Variants in CACNA2D3 observed in about 807,000 individuals in gnomAD.
CACNA2D3 encodes the protein voltage-dependent calcium channel subunit alpha-2/delta-3.
Under a neutral mutation model 160.6 loss-of-function variants are expected in CACNA2D3, and 60 were observed. The ratio of observed to expected loss-of-function variants is 0.37; its 90% CI spans 0.30 to 0.46. CACNA2D3 has a LOEUF of 0.46. CACNA2D3 is among the 20% of genes least tolerant of loss of function. The pLI is 1.00. For missense variants in CACNA2D3, 1,205 were observed against 1,365.0 expected, an observed-to-expected ratio of 0.88 and a Z score of 1.85; for synonymous variants, 558 against 492.9, an observed-to-expected ratio of 1.13 and a Z score of -1.75.
At chr3:54,932,641 G>C (rs1701218253) in intron 27 of CACNA2D3, among the ~76,000 whole-genome samples, 2 of 152,126 alleles carry the variant, frequency 1.3e-5, no homozygotes, top group Admixed American at 6.6e-5. Context: ...AGCCCCACAG[G>C]TAACATCTGT....
intron 18 of CACNA2D3, chr3:54,874,699 T>C (rs1699618487): frequency 6.6e-6 from 1 of 152,210 alleles, no homozygotes; most frequent in African/African-American, 2.4e-5. Context: ...AGAATGGATG[T>C]AATGGCCTAA....
chr3:54,910,925 A>T (rs1700541952), intron 27 of CACNA2D3, among the ~76,000 whole-genome samples: 1 of 152,194 alleles, frequency 6.6e-6, no homozygotes, highest in Non-Finnish European at 1.5e-5. Context: ...GTCATCTTGG[A>T]TAATATTGAA....
chr3:54,933,230 C>T (rs1212384237), intron 27 of CACNA2D3, among the ~76,000 whole-genome samples: 1 of 152,130 alleles, frequency 6.6e-6, no homozygotes, highest in South Asian at 2.1e-4. Context: ...GTATTTAATG[C>T]TTACAATGGG....
At chr3:55,009,009 T>A (rs1335510548) in intron 33 of CACNA2D3, among the ~76,000 whole-genome samples, 2 of 152,038 alleles carry the variant, frequency 1.3e-5, no homozygotes, top group Non-Finnish European at 2.9e-5. Flanking sequence ...TAGAGGAGAA[T>A]ATTCTATTTG....
At chr3:55,002,719 T>C (rs1282421518) in intron 31 of CACNA2D3, among the ~76,000 whole-genome samples, 1 of 152,238 alleles carries the variant, frequency 6.6e-6, no homozygotes, top group Non-Finnish European at 1.5e-5. Flanking sequence ...GAGGACTGGC[T>C]ACGTGACCAC....
Position 54,799,230 on chromosome 3 carries a change from T to C in CACNA2D3, c.1381-17623T>C, listed in dbSNP as rs1348861755. ...GTACTTATTTCAGGCTAATAGTTGT[T>C]TTTATATTATAGACCAGGTCTGTGG... is the stretch of plus-strand genomic sequence containing the variant. On this transcript the variant is annotated intron_variant, in intron 13 of 37. Transcript: ENST00000474759. 3.9e-5 allele frequency among the ~76,000 whole-genome samples: 6 copies of C among 152,344 alleles called. No individual in the cohort carries two copies. In the East Asian group the frequency reaches 1.2e-3, roughly 29 times the overall value.
At chr3:55,013,072 C>T (rs577735172) in intron 34 of CACNA2D3, among the ~76,000 whole-genome samples, 1 of 152,318 alleles carries the variant, frequency 6.6e-6, no homozygotes, top group South Asian at 2.1e-4. Context: ...ACTGTGAGAC[C>T]TCCTTTCCAC....
intron 2 of CACNA2D3, among the ~76,000 whole-genome samples, chr3:54,261,131 C>T (rs574613220): frequency 2.0e-5 from 3 of 152,300 alleles, no homozygotes; most frequent in South Asian, 2.1e-4. Context: ...CTACTCATTC[C>T]TCTGAGCCAT....
At chr3:54,161,558 C>T (rs896234610) in intron 2 of CACNA2D3, among the ~76,000 whole-genome samples, 1 of 152,182 alleles carries the variant, frequency 6.6e-6, no homozygotes, top group Non-Finnish European at 1.5e-5. Flanking sequence ...AAAGCTCAGG[C>T]TTAAGTGGCA....
At chr3:54,976,056 TACACACACACAC>T (rs3841944) in intron 29 of CACNA2D3, among the ~76,000 whole-genome samples, 150 of 145,062 alleles carry the variant, frequency 1.0e-3, no homozygotes, top group Non-Finnish European at 1.1e-3. Context: ...TAGATATAGA[TACACACACACAC>T]ACACACACAC....
At chr3:54,123,318 C>T in intron 1 of CACNA2D3, 195 bp from the exon 2 acceptor site, 1 of 585,602 alleles carries the variant, frequency 1.7e-6, no homozygotes, top group South Asian at 2.2e-5. Context: ...CCCCCTCGGG[C>T]CCCCTCCCGC....
At chr3:54,618,352 C>CATACATAT (rs56316245) in intron 9 of CACNA2D3, among the ~76,000 whole-genome samples, 29,948 of 119,862 alleles carry the variant, frequency 0.25, 4,657 homozygotes, top group Non-Finnish European at 0.32. Context: ...TTGATACATA[C>CATACATAT]ATATATATAT....
chr3:54,274,956 A>C (rs1427172863), intron 2 of CACNA2D3, among the ~76,000 whole-genome samples: 4 of 152,248 alleles, frequency 2.6e-5, no homozygotes, highest in Admixed American at 1.3e-4. Flanking sequence ...ATTAGGAAGA[A>C]GTCACCAGGT....
intron 4 of CACNA2D3, among the ~76,000 whole-genome samples, chr3:54,483,534 G>T (rs950530304): frequency 2.0e-5 from 3 of 152,198 alleles, no homozygotes; most frequent in Non-Finnish European, 2.9e-5. Context: ...TATCTCAAAT[G>T]AAGTGTCAAG....
At chr3:54,494,977 G>T (rs990225337) in intron 4 of CACNA2D3, among the ~76,000 whole-genome samples, 1 of 152,164 alleles carries the variant, frequency 6.6e-6, no homozygotes, top group East Asian at 1.9e-4. Flanking sequence ...CTCGACACCT[G>T]GGAATTATAA....
At chr3:54,968,054 A>G (rs554999236) in intron 27 of CACNA2D3, among the ~76,000 whole-genome samples, 6 of 152,198 alleles carry the variant, frequency 3.9e-5, no homozygotes, top group Non-Finnish European at 8.8e-5. Context: ...CAGAGTACAC[A>G]TTTTAGACAT....
At chr3:54,780,475 G>T (rs1166294216) in intron 13 of CACNA2D3, among the ~76,000 whole-genome samples, 1 of 152,218 alleles carries the variant, frequency 6.6e-6, no homozygotes, top group African/African-American at 2.4e-5. Context: ...TCTTGCTAAA[G>T]ATATGGTTTA....
intron 9 of CACNA2D3, among the ~76,000 whole-genome samples, chr3:54,594,465 C>A (rs980257314): frequency 2.0e-5 from 3 of 152,110 alleles, no homozygotes; most frequent in African/African-American, 7.2e-5. Flanking sequence ...AGGTTAAAAT[C>A]TTTCTGAAAG....
intron 2 of CACNA2D3, among the ~76,000 whole-genome samples, chr3:54,161,340 G>A (rs555558308): frequency 6.6e-6 from 1 of 152,298 alleles, no homozygotes; most frequent in South Asian, 2.1e-4. Context: ...GCAAGTTGGG[G>A]TAAAGGAGAC....
Sources: allele counts gnomAD v4.1 joint callset (sites outside exome capture counted in the v4.1 genomes callset), GRCh38; gene constraint gnomAD v4.1.1; transcripts MANE v1.5; gene names NCBI Gene and HGNC (gene_info 2026-07-23, HGNC 2026-07-21).